CSMD1: variants seen among roughly 807,000 people sequenced by gnomAD.
CSMD1 encodes the protein CUB and sushi domain-containing protein 1.
CSMD1 carries 213 observed loss-of-function variants against 417.5 expected under a neutral mutation model. That is an observed-to-expected ratio of 0.51 (90% CI 0.46 to 0.57). CSMD1 has a LOEUF of 0.57. Among genes scored for constraint, CSMD1 ranks in the 20% least tolerant of loss-of-function variants. CSMD1 has a pLI of 0.00. For synonymous variants in CSMD1, 2,862 were observed against 1,736.8 expected (o/e 1.65, Z -16.11); for missense variants, 6,923 against 4,529.7 (o/e 1.53, Z -15.17).
chr8:3,632,838 G>C (rs1036659587), intron 7 of CSMD1, among the ~76,000 whole-genome samples: 1 of 152,182 alleles, frequency 6.6e-6, no homozygotes, highest in Non-Finnish European at 1.5e-5. Context: ...TTCCCCTTCA[G>C]AGATTATGTT....
intron 10 of CSMD1, among the ~76,000 whole-genome samples, chr8:3,569,286 G>A (rs1022812806): frequency 6.6e-6 from 1 of 152,134 alleles, no homozygotes; most frequent in Non-Finnish European, 1.5e-5. Flanking sequence ...AACATGTGAT[G>A]TGCATTATTA....
chr8:3,136,069 C>T (rs556099610), intron 41 of CSMD1, among the ~76,000 whole-genome samples: 1 of 152,084 alleles, frequency 6.6e-6, no homozygotes, highest in African/African-American at 2.4e-5. Flanking sequence ...AGAGGGCAGA[C>T]TCATGGGGAA....
chr8:3,350,082 TACCTATAATA>T (rs1351673066), intron 21 of CSMD1, among the ~76,000 whole-genome samples: 1,665 of 132,068 alleles, frequency 0.013, 47 homozygotes, highest in African/African-American at 0.047. Flanking sequence ...TGTGTTATAA[TACCTATAATA>T]ACCTATAATA....
chr8:4,875,217 G>A (rs550031060), intron 1 of CSMD1, among the ~76,000 whole-genome samples: 2 of 151,906 alleles, frequency 1.3e-5, no homozygotes, highest in East Asian at 1.9e-4. Flanking sequence ...AAGCTGAGAA[G>A]GAAAATAAGC....
intron 1 of CSMD1, among the ~76,000 whole-genome samples, chr8:4,978,201 G>C (rs1284582913): frequency 6.6e-6 from 1 of 152,048 alleles, no homozygotes; most frequent in Non-Finnish European, 1.5e-5. Context: ...ATTATAACTT[G>C]GGATCTCACA....
At chr8:3,449,681 C>G (rs915572235) in intron 12 of CSMD1, among the ~76,000 whole-genome samples, 1 of 152,208 alleles carries the variant, frequency 6.6e-6, no homozygotes, top group Admixed American at 6.5e-5. Context: ...CCATGCCTGG[C>G]TAATTTTTGT....
chr8:4,809,174 A>G (rs538986751), intron 1 of CSMD1, among the ~76,000 whole-genome samples: 1 of 152,362 alleles, frequency 6.6e-6, no homozygotes, highest in South Asian at 2.1e-4. Flanking sequence ...CATGATAAAT[A>G]CACGTCTTGA....
chr8:3,327,968 C>T lies in CSMD1; in HGVS notation c.3631+15326G>A, dbSNP rs149642933. ...CCCTACCTAGCCCTAGCCCAGAATG[C>T]ATCTCTGTGTATAATTGGGGCATCT... On this transcript the variant is annotated intron_variant, in intron 23 of 69. Transcript: ENST00000635120. Among the ~76,000 whole-genome samples, 312 of 152,174 alleles carry T rather than the reference C, an allele frequency of 2.1e-3. 3 individuals carry two copies. The highest frequency in any genetic ancestry group is 7.2e-3 in the African/African-American group (301 of 41,524).
At chr8:4,047,780 G>T (rs560156011) in intron 3 of CSMD1, among the ~76,000 whole-genome samples, 1 of 151,986 alleles carries the variant, frequency 6.6e-6, no homozygotes, top group East Asian at 1.9e-4. Flanking sequence ...AATAGGTAGA[G>T]AATGCAATTT....
chr8:3,867,419 G>T (rs914881098), intron 5 of CSMD1, among the ~76,000 whole-genome samples: 1 of 151,960 alleles, frequency 6.6e-6, no homozygotes, highest in South Asian at 2.1e-4. Flanking sequence ...TACTTACTCA[G>T]GAGTATTTGC....
At chr8:4,359,652 T>G (rs77551838) in intron 3 of CSMD1, among the ~76,000 whole-genome samples, 4,561 of 152,272 alleles carry the variant, frequency 0.03, 231 homozygotes, top group African/African-American at 0.1. Context: ...CCCTTGCAAA[T>G]GTGTGTGGTT....
intron 3 of CSMD1, among the ~76,000 whole-genome samples, chr8:4,133,207 A>G (rs190894956): frequency 9.2e-5 from 14 of 152,260 alleles, no homozygotes; most frequent in African/African-American, 3.1e-4. Flanking sequence ...AAGTGCTGGG[A>G]TTACAGACAT....
At chr8:4,499,332 A>T (rs1195221722) in intron 2 of CSMD1, among the ~76,000 whole-genome samples, 1 of 152,186 alleles carries the variant, frequency 6.6e-6, no homozygotes, top group Non-Finnish European at 1.5e-5. Context: ...GGAGATGCCC[A>T]TATGGGGAAG....
At chr8:3,318,255 T>A (rs928165599) in intron 23 of CSMD1, among the ~76,000 whole-genome samples, 3 of 152,230 alleles carry the variant, frequency 2.0e-5, no homozygotes, top group Admixed American at 2.0e-4. Flanking sequence ...TTGTTCCAAT[T>A]TTTTAATAGG....
At chr8:4,147,920 C>T (rs149931454) in intron 3 of CSMD1, among the ~76,000 whole-genome samples, 1 of 152,120 alleles carries the variant, frequency 6.6e-6, no homozygotes, top group Non-Finnish European at 1.5e-5. Flanking sequence ...GAGGCTCCTG[C>T]AGCACAAACT....
intron 5 of CSMD1, among the ~76,000 whole-genome samples, chr8:3,908,960 T>C (rs1329299539): frequency 6.6e-6 from 1 of 152,194 alleles, no homozygotes; most frequent in Non-Finnish European, 1.5e-5. Context: ...TCACTACTGT[T>C]CTCCTTCACT....
chr8:3,947,392 C>T lies in CSMD1; in HGVS notation c.818+50511G>A, dbSNP rs149325021. 3.9e-3 allele frequency among the ~76,000 whole-genome samples: 589 copies of T among 152,244 alleles called. 1 individual carries two copies. Among genetic ancestry groups the T allele is most frequent in the African/African-American group, 0.012 (517 of 41,544 alleles). On this transcript the variant is annotated intron_variant, in intron 5 of 69. Coordinates refer to ENST00000635120, the MANE Select transcript of CSMD1 (RefSeq NM_033225.6). The stretch of plus-strand genomic sequence containing the variant: ...CTGAAAGTGACCCCAGTGGTCATGA[C>T]GTGCTATCCTTTTTATAAATCACTG...
rs1382700359 is a variant in CSMD1 at position 4,074,440 on chromosome 8, C to T, written c.416-42341G>A. 2.6e-5 allele frequency among the ~76,000 whole-genome samples: 4 copies of T among 152,132 alleles called. No individual in the cohort carries two copies. In the East Asian group the frequency reaches 5.8e-4, roughly 22 times the overall value. ...TAAGTTTTTTGTACATGATTATTTA[C>T]TTTCAGAGAAGCATTTGTCCATAAA... On this transcript the variant is annotated intron_variant, in intron 3 of 69. Coordinates refer to ENST00000635120, the MANE Select transcript of CSMD1 (RefSeq NM_033225.6).
At chr8:4,114,472 A>C (rs1269985402) in intron 3 of CSMD1, among the ~76,000 whole-genome samples, 1 of 152,204 alleles carries the variant, frequency 6.6e-6, no homozygotes, top group East Asian at 1.9e-4. Context: ...TAAAGAGATT[A>C]ATGTTGTCTT....
Sources: gnomAD v4.1 joint callset for allele counts (sites outside exome capture counted in the v4.1 genomes callset) on GRCh38, gnomAD v4.1.1 for gene constraint, MANE v1.5 for transcripts, NCBI Gene and HGNC (gene_info 2026-07-23, HGNC 2026-07-21) for gene names.